GFOD1: variants seen among roughly 807,000 people sequenced by gnomAD.
GFOD1 encodes the protein Gfo/Idh/MocA-like oxidoreductase domain containing 1.
GFOD1 carries 9 observed loss-of-function variants against 25.4 expected under a neutral mutation model. The ratio of observed to expected loss-of-function variants is 0.35; its 90% CI spans 0.21 to 0.62. The LOEUF (loss-of-function observed/expected upper bound fraction) is 0.62. Among genes scored for constraint, GFOD1 ranks in the 20% least tolerant of loss-of-function variants. The pLI, the probability that GFOD1 is intolerant of heterozygous loss-of-function variation, is 0.72. For missense variants in GFOD1, 403 were observed against 556.9 expected (o/e 0.72, Z 2.78); for synonymous variants, 253 against 245.6 (o/e 1.03, Z -0.28).
intron 1 of GFOD1, among the ~76,000 whole-genome samples, chr6:13,481,449 T>C (rs1174797633): frequency 6.6e-6 from 1 of 151,718 alleles, no homozygotes; most frequent in Non-Finnish European, 1.5e-5. Flanking sequence ...ATCCAAGAAG[T>C]GGGAGAGATG....
At chr6:13,431,911 G>A (rs978561382) in intron 1 of GFOD1, among the ~76,000 whole-genome samples, 3 of 152,152 alleles carry the variant, frequency 2.0e-5, no homozygotes, top group Non-Finnish European at 2.9e-5. Flanking sequence ...TGCCTCTAAC[G>A]GCAGATTTCA....
At chr6:13,423,340 G>C (rs990093664) in intron 1 of GFOD1, among the ~76,000 whole-genome samples, 4 of 152,062 alleles carry the variant, frequency 2.6e-5, no homozygotes, top group African/African-American at 9.7e-5. Context: ...GCCCATCTTA[G>C]GTCAAGGAGC....
chr6:13,411,796 T>C (rs1786083082), intron 1 of GFOD1, among the ~76,000 whole-genome samples: 1 of 152,216 alleles, frequency 6.6e-6, no homozygotes. Context: ...GATCCCTTTC[T>C]ACAACCCGCT....
At chr6:13,434,232 AT>A (rs1757795765) in intron 1 of GFOD1, among the ~76,000 whole-genome samples, 1 of 149,918 alleles carries the variant, frequency 6.7e-6, no homozygotes, top group Non-Finnish European at 1.5e-5. Flanking sequence ...AGTGCAGAGC[AT>A]TATGGAAGCA....
chr6:13,421,869 C>T (rs61376161), intron 1 of GFOD1, among the ~76,000 whole-genome samples: 7,673 of 152,184 alleles, frequency 0.05, 650 homozygotes, highest in African/African-American at 0.17. Context: ...AGGCCTTTCC[C>T]GGAGGCTGCA....
intron 1 of GFOD1, among the ~76,000 whole-genome samples, chr6:13,415,623 G>T (rs762395464): frequency 6.6e-6 from 1 of 152,172 alleles, no homozygotes; most frequent in African/African-American, 2.4e-5. Flanking sequence ...GTTCCACAGG[G>T]CATCCAGTGA....
intron 1 of GFOD1, among the ~76,000 whole-genome samples, chr6:13,413,928 A>T (rs1014924798): frequency 3.3e-5 from 5 of 152,228 alleles, no homozygotes; most frequent in Admixed American, 6.5e-5. Flanking sequence ...AGAGGCCAAT[A>T]TAGAATGCAT....
At chr6:13,485,887 G>T in intron 1 of GFOD1, 1 of 300,574 alleles carries the variant, frequency 3.3e-6, no homozygotes, top group Non-Finnish European at 4.9e-6. Context: ...GACATTTCCC[G>T]GGAGGCTGCA....
chr6:13,415,590 A>G (rs1786150326), intron 1 of GFOD1, among the ~76,000 whole-genome samples: 1 of 152,158 alleles, frequency 6.6e-6, no homozygotes, highest in Non-Finnish European at 1.5e-5. Flanking sequence ...CCATGTCCTG[A>G]GTCAGGGGGA....
At chr6:13,398,607 C>T (rs1388345072) in intron 1 of GFOD1, among the ~76,000 whole-genome samples, 3 of 152,194 alleles carry the variant, frequency 2.0e-5, no homozygotes, top group African/African-American at 7.2e-5. Context: ...GAGCTCACAT[C>T]GGGTGTTTAG....
At chr6:13,426,183 C>G (rs1283525237) in intron 1 of GFOD1, among the ~76,000 whole-genome samples, 3 of 152,228 alleles carry the variant, frequency 2.0e-5, no homozygotes, top group African/African-American at 7.2e-5. Context: ...GATTCAGTCT[C>G]CAGCTCTCTC....
intron 1 of GFOD1, among the ~76,000 whole-genome samples, chr6:13,462,853 G>T (rs1303619796): frequency 2.0e-5 from 3 of 152,162 alleles, no homozygotes; most frequent in Non-Finnish European, 4.4e-5. Flanking sequence ...TGTCATCTCC[G>T]TTCGTAACAT....
At chr6:13,445,609 G>A (rs1404287593) in intron 1 of GFOD1, among the ~76,000 whole-genome samples, 2 of 152,204 alleles carry the variant, frequency 1.3e-5, no homozygotes. Context: ...AAAGAACCAG[G>A]AGGAAAAGAC....
rs115018645 is a variant in GFOD1 at position 13,421,340 on chromosome 6, A to C, written c.254-55678T>G. On this transcript the variant is annotated intron_variant, in intron 1 of 1. Coordinates refer to ENST00000379287, the MANE Select transcript of GFOD1 (RefSeq NM_018988.4). The stretch of plus-strand genomic sequence containing the variant: ...CCATCTCTATAAAAAGTTAAAAACA[A>C]ATATTAGCCAGGCATGGTAGCATGC... 1.8e-3 allele frequency among the ~76,000 whole-genome samples: 276 copies of C among 152,140 alleles called. 1 individual carries two copies. The highest frequency in any genetic ancestry group is 6.1e-3 in the African/African-American group (252 of 41,498).
intron 1 of GFOD1, among the ~76,000 whole-genome samples, chr6:13,384,980 A>G (rs1242019382): frequency 6.6e-6 from 1 of 152,164 alleles, no homozygotes; most frequent in African/African-American, 2.4e-5. Flanking sequence ...AGGCAGACTC[A>G]CAGATCCAGA....
In GFOD1 at chr6:13,365,409, G is replaced by A. The variant is rs934667120; in HGVS notation, c.507C>T (p.Gly169=). 6.8e-6 allele frequency: 11 copies of A among 1,613,842 alleles called. No individual in the cohort carries two copies. In the African/African-American group the frequency reaches 8.0e-5, roughly 12 times the overall value. The change falls in exon 2 of 2, where the codon GGC becomes GGT. Residue 169 remains glycine (G), a synonymous_variant. Coordinates refer to ENST00000379287, the MANE Select transcript of GFOD1 (RefSeq NM_018988.4). The surrounding 1 kb of genome is among the most constrained non-coding windows in gnomAD (Gnocchi z 9.2). ...KYNWSCDDLM[G]GGGLHSVGTY... ...TGCCCACGGAGTGCAGGCCGCCGCC[G>A]CCCATCAAGTCGTCGCAGCTCCAGT...
Position 13,365,666 on chromosome 6 carries a change from C to T in GFOD1, c.254-4G>A, listed in dbSNP as rs753976505. On this transcript the variant is annotated splice_region_variant and splice_polypyrimidine_tract_variant and intron_variant, in intron 1 of 1. Transcript: ENST00000379287. The surrounding 1 kb of genome is among the most constrained non-coding windows in gnomAD (Gnocchi z 9.2). ...CAGATGACGTTCTTGCCGATGCCTG[C>T]GGGTGGGAGGAAGACAGCGGTCAGC... The T allele has an allele frequency of 4.4e-6, 7 of 1,588,114 alleles. No homozygotes were observed. The highest frequency in any genetic ancestry group is 1.1e-5 in the South Asian group (1 of 90,654).
At chr6:13,467,985 G>A (rs1758406846) in intron 1 of GFOD1, among the ~76,000 whole-genome samples, 1 of 152,124 alleles carries the variant, frequency 6.6e-6, no homozygotes, top group Admixed American at 6.5e-5. Flanking sequence ...AGAGCCAAAG[G>A]ATCACAGAAT....
Position 13,383,051 on chromosome 6 carries a change from T to C in GFOD1, c.254-17389A>G, listed in dbSNP as rs756375047. 8.8e-4 allele frequency among the ~76,000 whole-genome samples: 134 copies of C among 152,374 alleles called. 1 individual carries two copies. The highest frequency in any genetic ancestry group is 6.8e-3 in the Middle Eastern group (2 of 294). On this transcript the variant is annotated intron_variant, in intron 1 of 1. Transcript: ENST00000379287. Reference sequence around the variant, plus strand: ...TCGAAGGTGTATATGTACCACATTTTCTTTATCTAGTTTATCACTGATGGG... The same window carrying C: ...TCGAAGGTGTATATGTACCACATTTCCTTTATCTAGTTTATCACTGATGGG...
Sources: allele counts gnomAD v4.1 joint callset (sites outside exome capture counted in the v4.1 genomes callset), GRCh38; gene constraint gnomAD v4.1.1; non-coding constraint Gnocchi (gnomAD v3.1); transcripts MANE v1.5; gene names NCBI Gene and HGNC (gene_info 2026-07-23, HGNC 2026-07-21).